The following EIF4G3 variants were observed in gnomAD, a reference collection of about 807,000 sequenced individuals.
The protein encoded by EIF4G3 is eukaryotic translation initiation factor 4 gamma 3, also known as eIF-4-gamma 3.
A neutral mutation model predicts 186.4 loss-of-function variants in EIF4G3; 34 were observed. The ratio of observed to expected loss-of-function variants is 0.18; its 90% CI spans 0.14 to 0.24. The LOEUF is 0.24. EIF4G3 is among the 10% of genes least tolerant of loss of function. The pLI, the probability that EIF4G3 is intolerant of heterozygous loss-of-function variation, is 1.00. For missense variants in EIF4G3, 1,536 were observed against 1,948.5 expected (o/e 0.79, Z 3.99); for synonymous variants, 673 against 679.5 (o/e 0.99, Z 0.15).
chr1:21,005,002 T>C (rs2084651954), intron 4 of EIF4G3, among the ~76,000 whole-genome samples: 1 of 152,150 alleles, frequency 6.6e-6, no homozygotes, highest in Non-Finnish European at 1.5e-5. Flanking sequence ...ATCTCATGTC[T>C]ATCAAATAAT....
chr1:21,167,467 G>C (rs189006976), intron 2 of EIF4G3, among the ~76,000 whole-genome samples: 1 of 152,056 alleles, frequency 6.6e-6, no homozygotes, highest in Non-Finnish European at 1.5e-5. Context: ...TGAAGAGTTC[G>C]AGACCAGCCT....
intron 30 of EIF4G3, among the ~76,000 whole-genome samples, chr1:20,830,054 A>T (rs1000785082): frequency 1.2e-4 from 18 of 152,236 alleles, no homozygotes; most frequent in African/African-American, 4.3e-4. Flanking sequence ...AAAGTACAAA[A>T]GCAAATGAAT....
intron 14 of EIF4G3, among the ~76,000 whole-genome samples, chr1:20,936,891 G>A (rs993234532): frequency 3.9e-5 from 6 of 152,102 alleles, no homozygotes; most frequent in African/African-American, 1.4e-4. Context: ...ATCTCCATTT[G>A]AGAAATAAAC....
chr1:21,116,216 T>C (rs931510435), intron 2 of EIF4G3, among the ~76,000 whole-genome samples: 1 of 152,206 alleles, frequency 6.6e-6, no homozygotes, highest in African/African-American at 2.4e-5. Flanking sequence ...ACAGTCCATA[T>C]AACATATCTG....
intron 2 of EIF4G3, among the ~76,000 whole-genome samples, chr1:21,119,411 A>G (rs1007827193): frequency 1.3e-5 from 2 of 152,176 alleles, no homozygotes; most frequent in Non-Finnish European, 2.9e-5. Context: ...AGAATAAAAT[A>G]CCAAATTCAT....
intron 2 of EIF4G3, among the ~76,000 whole-genome samples, chr1:21,112,149 T>A (rs550009500): frequency 6.6e-6 from 1 of 152,340 alleles, no homozygotes; most frequent in African/African-American, 2.4e-5. Flanking sequence ...ATCTGATGGT[T>A]ATCAACAGTA....
At chr1:21,051,253 C>A (rs2154576692) in intron 3 of EIF4G3, among the ~76,000 whole-genome samples, 1 of 152,156 alleles carries the variant, frequency 6.6e-6, no homozygotes, top group African/African-American at 2.4e-5. Context: ...AAGGAAAACA[C>A]ATGCTACAGG....
intron 2 of EIF4G3, among the ~76,000 whole-genome samples, chr1:21,121,788 A>C (rs2096930259): frequency 6.6e-6 from 1 of 152,044 alleles, no homozygotes; most frequent in Admixed American, 6.6e-5. Flanking sequence ...AAAAAAAAAA[A>C]AACTAATCCA....
chr1:20,900,163 C>T (rs1415338440), intron 15 of EIF4G3, among the ~76,000 whole-genome samples: 4 of 152,138 alleles, frequency 2.6e-5, no homozygotes, highest in African/African-American at 4.8e-5. Context: ...TGCTGAAATG[C>T]TTTAACATGA....
At chr1:20,819,410 G>A (rs958608881) in intron 33 of EIF4G3, among the ~76,000 whole-genome samples, 1 of 148,644 alleles carries the variant, frequency 6.7e-6, no homozygotes, top group African/African-American at 2.5e-5. Flanking sequence ...CTTGACCTCC[G>A]ATTGCTTTTT....
intron 2 of EIF4G3, among the ~76,000 whole-genome samples, chr1:21,099,973 T>C (rs1330766944): frequency 6.6e-6 from 1 of 152,158 alleles, no homozygotes; most frequent in African/African-American, 2.4e-5. Context: ...TAAATGTCCA[T>C]CAACTGTTAG....
Position 20,973,093 on chromosome 1 carries a change from G to A in EIF4G3, c.500C>T (p.Pro167Leu). 1 of 1,607,916 alleles carries A rather than the reference G, an allele frequency of 6.2e-7. No individual in the cohort carries two copies. Among genetic ancestry groups the A allele is most frequent in the East Asian group, 2.2e-5 (1 of 44,790 alleles). Residue 167 changes from proline (P) to leucine (L), a missense_variant, in exon 11 of 37, where the codon CCT (proline) becomes CTT (leucine). By Grantham distance (98) the Pro-to-Leu change is moderately conservative. This residue lies in a region of EIF4G3 where 194 missense variants were observed against 212.8 expected (regional missense o/e 0.91). Coordinates refer to ENST00000602326, the MANE Select transcript of EIF4G3 (RefSeq NM_001391906.1). ...ATACACCGGCTGACTTGGGTAAAAA[G>A]GCGTTCCTAAAAAGTTGGAAAAAAT... ...PGDFPNAYGT[P>L]FYPSQPVYQS...
intron 3 of EIF4G3, among the ~76,000 whole-genome samples, chr1:21,053,943 C>A (rs1258357293): frequency 6.6e-6 from 1 of 152,062 alleles, no homozygotes; most frequent in East Asian, 1.9e-4. Context: ...GCCCCTCTGC[C>A]CGGCCACCAC....
intron 3 of EIF4G3, among the ~76,000 whole-genome samples, chr1:21,072,528 T>C (rs1302937587): frequency 6.6e-6 from 1 of 152,054 alleles, no homozygotes; most frequent in Non-Finnish European, 1.5e-5. Flanking sequence ...CTCAGCCTCC[T>C]GAGCAGCTGG....
intron 3 of EIF4G3, among the ~76,000 whole-genome samples, chr1:21,085,165 T>C (rs1413155763): frequency 1.3e-5 from 2 of 151,332 alleles, no homozygotes; most frequent in African/African-American, 2.4e-5. Flanking sequence ...ACTCCAAAAA[T>C]GGTTATAGTA....
chr1:21,133,171 A>G (rs2097184400), intron 2 of EIF4G3, among the ~76,000 whole-genome samples: 1 of 152,220 alleles, frequency 6.6e-6, no homozygotes, highest in African/African-American at 2.4e-5. Flanking sequence ...GCAGATTTAA[A>G]TAATATTACA....
At chr1:21,023,801 C>T (rs1285460331) in intron 4 of EIF4G3, among the ~76,000 whole-genome samples, 1 of 144,092 alleles carries the variant, frequency 6.9e-6, no homozygotes, top group African/African-American at 2.7e-5. Flanking sequence ...GCCATCCCAT[C>T]TAGGAAGTGA....
chr1:20,940,204 A>C (rs2095664662), intron 14 of EIF4G3, among the ~76,000 whole-genome samples: 2 of 152,154 alleles, frequency 1.3e-5, no homozygotes, highest in African/African-American at 4.8e-5. Context: ...GTCTAAGGTC[A>C]TCTCTCCACC....
intron 3 of EIF4G3, among the ~76,000 whole-genome samples, chr1:21,061,078 T>C (rs2094888387): frequency 6.6e-6 from 1 of 152,228 alleles, no homozygotes; most frequent in Non-Finnish European, 1.5e-5. Flanking sequence ...TATAGTATAC[T>C]TGAAAGTGAT....
Sources: gnomAD v4.1 joint callset for allele counts (sites outside exome capture counted in the v4.1 genomes callset) on GRCh38, gnomAD v4.1.1 for gene constraint, gnomAD v4.1.1 regional missense constraint, MANE v1.5 for transcripts, NCBI Gene and HGNC (gene_info 2026-07-23, HGNC 2026-07-21) for gene names.